The following ARHGAP35 variants were observed in gnomAD, a reference collection of about 807,000 sequenced individuals.
The protein encoded by ARHGAP35 is Rho GTPase activating protein 35, also known as rho GTPase-activating protein 35.
In ARHGAP35, 15 loss-of-function variants were observed where a neutral mutation model predicts 111.1. The ratio of observed to expected loss-of-function variants is 0.13; its 90% CI spans 0.09 to 0.21. The LOEUF (loss-of-function observed/expected upper bound fraction) is 0.21, where lower values mean the gene tolerates loss of function less well. Ranked by LOEUF, ARHGAP35 falls within the 10% of genes least tolerant of loss-of-function variation. ARHGAP35 has a pLI of 1.00. For missense variants in ARHGAP35, 1,262 were observed against 1,873.0 expected (o/e 0.67, Z 6.02); for synonymous variants, 643 against 710.3 (o/e 0.91, Z 1.51).
chr19:46,966,550 C>A (rs2056516290), intron 3 of ARHGAP35, among the ~76,000 whole-genome samples: 1 of 152,124 alleles, frequency 6.6e-6, no homozygotes, highest in African/African-American at 2.4e-5. Context: ...CCCTGTCCCC[C>A]ACCCCCAAAA....
chr19:46,880,498 T>G (rs2055955860), intron 1 of ARHGAP35, among the ~76,000 whole-genome samples: 1 of 152,156 alleles, frequency 6.6e-6, no homozygotes, highest in Non-Finnish European at 1.5e-5. Flanking sequence ...CTGTCACATC[T>G]TCAAACTCCA....
intron 1 of ARHGAP35, among the ~76,000 whole-genome samples, chr19:46,861,432 C>T (rs1004894502): frequency 1.3e-5 from 2 of 149,194 alleles, no homozygotes; most frequent in African/African-American, 4.9e-5. Flanking sequence ...TGGACCTGCC[C>T]CTGCCCGCCC....
chr19:46,888,262 AT>A (rs2056003432), intron 1 of ARHGAP35, among the ~76,000 whole-genome samples: 2 of 272 alleles, frequency 7.4e-3, no homozygotes, highest in African/African-American at 0.032. Context: ...TCAATCAATA[AT>A]ATATATATAT....
intron 3 of ARHGAP35, among the ~76,000 whole-genome samples, chr19:46,965,466 TTTTGTTTGTTTGTTTG>T (rs146545859): frequency 2.0e-5 from 3 of 150,154 alleles, no homozygotes; most frequent in Non-Finnish European, 3.0e-5. Flanking sequence ...TTCTTGGGTT[TTTTGTTTGTTTGTTTG>T]TTTGTTTGTT....
chr19:46,882,424 C>T (rs2055967386), intron 1 of ARHGAP35, among the ~76,000 whole-genome samples: 1 of 152,178 alleles, frequency 6.6e-6, no homozygotes, highest in Non-Finnish European at 1.5e-5. Flanking sequence ...AGGCATGAGC[C>T]ACTACACCCT....
chr19:46,895,225 G>A (rs756957695), intron 1 of ARHGAP35, among the ~76,000 whole-genome samples: 6 of 150,528 alleles, frequency 4.0e-5, no homozygotes, highest in Non-Finnish European at 7.4e-5. Context: ...GTCCAGTGGC[G>A]CGATCTCGGC....
At chr19:46,895,180 T>C (rs1194743282) in intron 1 of ARHGAP35, among the ~76,000 whole-genome samples, 1 of 151,948 alleles carries the variant, frequency 6.6e-6, no homozygotes, top group African/African-American at 2.4e-5. Flanking sequence ...TTTTTTTTTT[T>C]TGAGACGGAG....
chr19:46,870,714 A>G (rs990194659), intron 1 of ARHGAP35, among the ~76,000 whole-genome samples: 3 of 152,218 alleles, frequency 2.0e-5, no homozygotes, highest in Admixed American at 6.5e-5. Flanking sequence ...GCATGTACCT[A>G]GTAGTAGCCA....
intron 1 of ARHGAP35, among the ~76,000 whole-genome samples, chr19:46,875,031 C>T (rs753001938): frequency 2.6e-5 from 4 of 151,736 alleles, no homozygotes; most frequent in Admixed American, 6.6e-5. Flanking sequence ...AGGCTGGTCT[C>T]GAACTCCTGA....
At chr19:46,935,855 G>T (rs1339525745) in intron 2 of ARHGAP35, among the ~76,000 whole-genome samples, 1 of 152,048 alleles carries the variant, frequency 6.6e-6, no homozygotes, top group Non-Finnish European at 1.5e-5. Flanking sequence ...CTCCATTTAA[G>T]GTTCAAAATA....
chr19:46,955,902 A>AG (rs1325370347), intron 3 of ARHGAP35, among the ~76,000 whole-genome samples: 3 of 152,254 alleles, frequency 2.0e-5, no homozygotes, highest in Non-Finnish European at 4.4e-5. Flanking sequence ...TCATATAACA[A>AG]GACAGGGTAA....
Position 46,999,011 on chromosome 19 carries a change from T to G in ARHGAP35, c.4037-293T>G. On this transcript the variant is annotated intron_variant, in intron 5 of 6. Transcript: ENST00000672722. The surrounding 1 kb of genome is among the most constrained non-coding windows in gnomAD (Gnocchi z 5.4). Reference sequence around the variant, plus strand: ...CCGGATGAGCAAAGAATGGTGTTCTTTATGGCGGAGTGTCTCCAGATTGTT... The same window carrying G: ...CCGGATGAGCAAAGAATGGTGTTCTGTATGGCGGAGTGTCTCCAGATTGTT... The G allele has an allele frequency of 2.7e-6, 1 of 366,364 alleles. No homozygotes were observed. Among genetic ancestry groups the G allele is most frequent in the East Asian group, 4.2e-5 (1 of 23,828 alleles). 22.7% of individuals were successfully genotyped at this position (366,364 alleles called of 1,614,324 possible). A position where few individuals can be genotyped will look rare whatever the true frequency, so the allele number is the denominator to read the frequency against.
rs192606527 is a variant in ARHGAP35 at position 46,944,399 on chromosome 19, T to C, written c.3826+6991T>C. On this transcript the variant is annotated intron_variant, in intron 3 of 6. Transcript: ENST00000672722. ...GTAAAAATTCTTTATAATCCCAGTC[T>C]CCAGGAGTCATCTCATTAATGTACA... 4.6e-5 allele frequency among the ~76,000 whole-genome samples: 7 copies of C among 152,206 alleles called. No individual in the cohort carries two copies. In the East Asian group the frequency reaches 1.4e-3, roughly 29 times the overall value.
intron 3 of ARHGAP35, among the ~76,000 whole-genome samples, chr19:46,957,813 C>A (rs1413406742): frequency 6.6e-6 from 1 of 152,148 alleles, no homozygotes; most frequent in East Asian, 1.9e-4. Context: ...GTTTAATGAG[C>A]CTCTCCAGCA....
chr19:46,977,485 G>A (rs2056585878), intron 3 of ARHGAP35, among the ~76,000 whole-genome samples: 1 of 152,164 alleles, frequency 6.6e-6, no homozygotes. Flanking sequence ...CTGGAGAAAC[G>A]CTGCACTTTT....
At chr19:46,955,386 A>T (rs2056433701) in intron 3 of ARHGAP35, among the ~76,000 whole-genome samples, 1 of 152,232 alleles carries the variant, frequency 6.6e-6, no homozygotes, top group African/African-American at 2.4e-5. Flanking sequence ...GCTAACATTG[A>T]TAAGCATTAT....
At position 46,877,389 on chromosome 19, in the gene ARHGAP35, C is replaced by T. The variant is rs1421420234; in HGVS notation, c.-189+16180C>T. ...ACCAGCCTGGCCAAAGTGGTGAAAC[C>T]CTGTCTCTACTAAAAATACAAAAAC... is the stretch of plus-strand genomic sequence containing the variant. On this transcript the variant is annotated intron_variant, in intron 1 of 6. Coordinates refer to ENST00000672722, the MANE Select transcript of ARHGAP35 (RefSeq NM_004491.5). Among the ~76,000 whole-genome samples the T allele has an allele frequency of 2.0e-5, 3 of 151,776 alleles. No homozygotes were observed. In the East Asian group the frequency reaches 5.8e-4, roughly 29 times the overall value.
At chr19:46,867,977 G>A (rs2055867697) in intron 1 of ARHGAP35, among the ~76,000 whole-genome samples, 1 of 152,018 alleles carries the variant, frequency 6.6e-6, no homozygotes, top group Admixed American at 6.6e-5. Flanking sequence ...AGCGATTCTT[G>A]TGCCTCAGCC....
intron 3 of ARHGAP35, among the ~76,000 whole-genome samples, chr19:46,983,150 C>T (rs1193144299): frequency 6.6e-6 from 1 of 151,774 alleles, no homozygotes; most frequent in Non-Finnish European, 1.5e-5. Context: ...GCACCTGCAC[C>T]GTAACAGGCC....
Sources: allele counts gnomAD v4.1 joint callset (sites outside exome capture counted in the v4.1 genomes callset), GRCh38; gene constraint gnomAD v4.1.1; non-coding constraint Gnocchi (gnomAD v3.1); transcripts MANE v1.5; gene names NCBI Gene and HGNC (gene_info 2026-07-23, HGNC 2026-07-21).